Variants in MALRD1 observed in about 807,000 individuals in gnomAD.
The protein encoded by MALRD1 is MAM and LDL-receptor class A domain-containing protein 1.
A neutral mutation model predicts 242.1 loss-of-function variants in MALRD1; 247 were observed. The ratio of observed to expected loss-of-function variants is 1.02; its 90% CI spans 0.92 to 1.13. The LOEUF is 1.13. Among genes scored for constraint, MALRD1 ranks in the 50% most tolerant of loss-of-function variants. MALRD1 has a pLI of 0.00. For synonymous variants in MALRD1, 995 were observed against 866.6 expected, an observed-to-expected ratio of 1.15 and a Z score of -2.60; for missense variants, 2,989 against 2,533.1, an observed-to-expected ratio of 1.18 and a Z score of -3.86.
chr10:19,647,683 G>A (rs1840712997), intron 36 of MALRD1, among the ~76,000 whole-genome samples: 1 of 152,108 alleles, frequency 6.6e-6, no homozygotes, highest in South Asian at 2.1e-4. Flanking sequence ...TTTAACCTGG[G>A]ATATTGACAT....
At chr10:19,536,941 A>C (rs1397100966) in intron 32 of MALRD1, among the ~76,000 whole-genome samples, 2 of 152,160 alleles carry the variant, frequency 1.3e-5, no homozygotes, top group Admixed American at 6.5e-5. Flanking sequence ...CCTCTCAGAA[A>C]GATGGTATTT....
At chr10:19,436,236 C>T (rs1834346785) in intron 28 of MALRD1, among the ~76,000 whole-genome samples, 1 of 152,146 alleles carries the variant, frequency 6.6e-6, no homozygotes, top group South Asian at 2.1e-4. Context: ...GCTTGCTGGG[C>T]TTCTCAGCTG....
At chr10:19,674,073 GT>G (rs1292364663) in intron 36 of MALRD1, among the ~76,000 whole-genome samples, 22 of 152,146 alleles carry the variant, frequency 1.4e-4, no homozygotes, top group African/African-American at 4.6e-4. Flanking sequence ...CTCTGAGAGG[GT>G]ATAATTTGAG....
At chr10:19,217,046 C>T (rs916552469) in intron 18 of MALRD1, among the ~76,000 whole-genome samples, 1 of 152,128 alleles carries the variant, frequency 6.6e-6, no homozygotes, top group African/African-American at 2.4e-5. Context: ...AATGATTTCA[C>T]CTTAGTTTTG....
At position 19,719,229 on chromosome 10, in the gene MALRD1, T is replaced by TAC. The variant is rs1209706914; in HGVS notation, c.6315-11476_6315-11475insCA. Among the ~76,000 whole-genome samples, 19 of 22,728 alleles carry TAC rather than the reference T, an allele frequency of 8.4e-4. 1 individual carries two copies. The highest frequency in any genetic ancestry group is 4.0e-3 in the African/African-American group (17 of 4,204). The allele number at this position is 22,728 out of a possible 152,430, so 14.9% of individuals were successfully genotyped here. ...ATATATATACACATACATACATATA[T>TAC]ATATATATATATATATATATATATA... On this transcript the variant is annotated intron_variant, in intron 38 of 39. Coordinates refer to ENST00000454679, the MANE Select transcript of MALRD1 (RefSeq NM_001142308.3).
intron 34 of MALRD1, among the ~76,000 whole-genome samples, chr10:19,606,216 C>T (rs1348685004): frequency 6.6e-6 from 1 of 151,864 alleles, no homozygotes; most frequent in African/African-American, 2.4e-5. Context: ...GTATAAGAAC[C>T]ATACATGGGG....
intron 19 of MALRD1, among the ~76,000 whole-genome samples, chr10:19,261,347 T>A (rs377393270): frequency 6.6e-6 from 1 of 151,632 alleles, no homozygotes; most frequent in East Asian, 1.9e-4. Context: ...AAACTATGGG[T>A]CAAAACCACA....
At chr10:19,272,262 T>C (rs1206477019) in intron 19 of MALRD1, among the ~76,000 whole-genome samples, 2 of 152,002 alleles carry the variant, frequency 1.3e-5, no homozygotes, top group Admixed American at 6.5e-5. Flanking sequence ...AAATTAAAGG[T>C]CATTAAATTT....
chr10:19,724,407 T>C (rs1228111119), intron 38 of MALRD1, among the ~76,000 whole-genome samples: 1 of 152,194 alleles, frequency 6.6e-6, no homozygotes, highest in Non-Finnish European at 1.5e-5. Flanking sequence ...AAACTTGCAA[T>C]GTGTGTAAAA....
At chr10:19,558,752 A>G (rs919465839) in intron 32 of MALRD1, among the ~76,000 whole-genome samples, 1 of 152,136 alleles carries the variant, frequency 6.6e-6, no homozygotes, top group Admixed American at 6.5e-5. Flanking sequence ...AAAGGTTATT[A>G]ATAATTGATT....
rs116413905 is a variant in MALRD1 at position 19,157,055 on chromosome 10, G to A, written c.1656+1883G>A. 5.9e-3 allele frequency among the ~76,000 whole-genome samples: 896 copies of A among 152,114 alleles called. 13 individuals are homozygous for A. Among genetic ancestry groups the A allele is most frequent in the African/African-American group, 0.02 (831 of 41,484 alleles). ...GCCAGAAGAGATATTTGTTTTTCAC[G>A]CTTTTCTCTATTTTAGGAGTCTTTG... On this transcript the variant is annotated intron_variant, in intron 12 of 39. Transcript: ENST00000454679.
intron 32 of MALRD1, among the ~76,000 whole-genome samples, chr10:19,556,140 G>C (rs1835706397): frequency 6.6e-6 from 1 of 152,040 alleles, no homozygotes; most frequent in Non-Finnish European, 1.5e-5. Context: ...GCAGTTTTAG[G>C]TTTATAGGAA....
chr10:19,151,217 T>A (rs897620949), intron 11 of MALRD1, among the ~76,000 whole-genome samples: 1 of 152,146 alleles, frequency 6.6e-6, no homozygotes, highest in African/African-American at 2.4e-5. Context: ...TCAATTTATT[T>A]GGGTTCTTTA....
At chr10:19,289,814 A>C (rs1841319694) in intron 21 of MALRD1, among the ~76,000 whole-genome samples, 1 of 152,088 alleles carries the variant, frequency 6.6e-6, no homozygotes, top group Admixed American at 6.6e-5. Flanking sequence ...GTTTTTAAGG[A>C]TGTTGTTTTG....
At chr10:19,290,385 CT>C (rs1365220628) in intron 21 of MALRD1, 2 of 152,204 alleles carry the variant, frequency 1.3e-5, no homozygotes, top group African/African-American at 4.8e-5. Flanking sequence ...TCCCTTTCTC[CT>C]GCTCAGCAGG....
At chr10:19,333,584 T>A (rs540919080) in intron 24 of MALRD1, among the ~76,000 whole-genome samples, 1 of 152,320 alleles carries the variant, frequency 6.6e-6, no homozygotes, top group Admixed American at 6.5e-5. Flanking sequence ...TCTTTGCTAT[T>A]GTGAATCGTG....
intron 33 of MALRD1, among the ~76,000 whole-genome samples, chr10:19,590,069 A>G (rs1837684267): frequency 6.6e-6 from 1 of 152,120 alleles, no homozygotes; most frequent in Non-Finnish European, 1.5e-5. Flanking sequence ...GGGCATAGTA[A>G]GAAATGGACC....
At chr10:19,072,475 C>A (rs570736716) in intron 2 of MALRD1, among the ~76,000 whole-genome samples, 44 of 151,942 alleles carry the variant, frequency 2.9e-4, no homozygotes, top group Non-Finnish European at 5.1e-4. Flanking sequence ...CAGGTAAAAA[C>A]CCTTCTTAAC....
intron 17 of MALRD1, among the ~76,000 whole-genome samples, chr10:19,205,763 G>A (rs1836755049): frequency 6.6e-6 from 1 of 152,052 alleles, no homozygotes; most frequent in African/African-American, 2.4e-5. Flanking sequence ...AGGGGAAAGA[G>A]GGCCCAAAAT....
Sources: gnomAD v4.1 joint callset for allele counts (sites outside exome capture counted in the v4.1 genomes callset) on GRCh38, gnomAD v4.1.1 for gene constraint, MANE v1.5 for transcripts, NCBI Gene and HGNC (gene_info 2026-07-23, HGNC 2026-07-21) for gene names.